The following PCDHGA2 variants were observed in gnomAD, a reference collection of about 807,000 sequenced individuals.
PCDHGA2 encodes the protein protocadherin gamma-A2.
Under a neutral mutation model 59.2 loss-of-function variants are expected in PCDHGA2, and 40 were observed. The ratio of observed to expected loss-of-function variants is 0.68; its 90% confidence interval spans 0.52 to 0.88. The LOEUF (loss-of-function observed/expected upper bound fraction) is 0.88, where lower values mean the gene tolerates loss of function less well. Ranked by LOEUF, PCDHGA2 falls within the 40% of genes least tolerant of loss-of-function variation. The pLI is 0.00. For synonymous variants in PCDHGA2, 560 were observed against 526.0 expected (o/e 1.06, Z -0.89); for missense variants, 1,226 against 1,204.0 (o/e 1.02, Z -0.27).
chr5:141,481,913 CAAAAAAAA>C (rs34114744), intron 1 of PCDHGA2, among the ~76,000 whole-genome samples: 1 of 90,852 alleles, frequency 1.1e-5, no homozygotes, highest in African/African-American at 4.2e-5. Flanking sequence ...AACTCCATCT[CAAAAAAAA>C]AAAAAAAAAA....
At chr5:141,509,544 A>AT (rs1312201678) in intron 3 of PCDHGA2, among the ~76,000 whole-genome samples, 1 of 152,150 alleles carries the variant, frequency 6.6e-6, no homozygotes, top group Non-Finnish European at 1.5e-5. Context: ...GCACCATCTC[A>AT]TTTAGTCCTC....
intron 1 of PCDHGA2, among the ~76,000 whole-genome samples, chr5:141,438,211 A>G (rs767576436): frequency 7.8e-4 from 119 of 152,308 alleles, no homozygotes; most frequent in Admixed American, 2.3e-3. Context: ...CCATATGGGA[A>G]GGGCTCTGGT....
chr5:141,366,257 G>A, intron 1 of PCDHGA2: 1 of 1,613,694 alleles, frequency 6.2e-7, no homozygotes, highest in Middle Eastern at 1.6e-4. Flanking sequence ...GCAGAGCCTC[G>A]TGGTGGCCGT....
intron 1 of PCDHGA2, chr5:141,390,142 G>A (rs2092062384): frequency 6.2e-6 from 10 of 1,614,022 alleles, no homozygotes; most frequent in Non-Finnish European, 8.5e-6. Flanking sequence ...TACAATCTAT[G>A]TGTTGCACAT....
Position 141,477,403 on chromosome 5 carries a change from C to T in PCDHGA2, c.2425-17404C>T, listed in dbSNP as rs1329599078. 2 of 1,614,164 alleles carry T rather than the reference C, an allele frequency of 1.2e-6. No individual in the cohort carries two copies. Among genetic ancestry groups the T allele is most frequent in the Non-Finnish European group, 1.7e-6 (2 of 1,180,042 alleles). ...CAGAATACAACCTCAGCATCACCGC[C>T]CGAGACGCCGGAACCCCTTCCCTCT... is the stretch of plus-strand genomic sequence containing the variant. On this transcript the variant is annotated intron_variant, in intron 1 of 3. Transcript: ENST00000394576. The surrounding 1 kb of genome is among the most constrained non-coding windows in gnomAD (Gnocchi z 4.9).
chr5:141,418,517 C>G, intron 1 of PCDHGA2: 1 of 1,613,918 alleles, frequency 6.2e-7, no homozygotes. Flanking sequence ...TGGTGGGGAC[C>G]CTCCCCGAAG....
At chr5:141,344,328 A>G in intron 1 of PCDHGA2, 2 of 1,614,060 alleles carry the variant, frequency 1.2e-6, no homozygotes, top group Non-Finnish European at 8.5e-7. Context: ...CTGCGCTCAG[A>G]TCCCGCTGTG....
chr5:141,426,753 A>G (rs1360041118), intron 1 of PCDHGA2: 3 of 456,298 alleles, frequency 6.6e-6, no homozygotes, highest in East Asian at 7.0e-5. Flanking sequence ...GGAATCTGCT[A>G]TAGATGCAGA....
rs1317150359 is a variant in PCDHGA2 at position 141,420,381 on chromosome 5, G to A, written c.2425-74426G>A. On this transcript the variant is annotated intron_variant, in intron 1 of 3. Transcript: ENST00000394576. ...TCTAGATAACTTCTTCATAGAGTTC[G>A]CAAAATATAGGTCAAATTTATGGTT... The A allele has an allele frequency of 1.1e-5, 14 of 1,298,362 alleles. No homozygotes were observed. In the Admixed American group the frequency reaches 1.3e-4, roughly 13 times the overall value. The allele number at this position is 1,298,362 out of a possible 1,614,324, so 80.4% of individuals were successfully genotyped here.
intron 1 of PCDHGA2, among the ~76,000 whole-genome samples, chr5:141,439,537 C>T (rs1404605731): frequency 6.6e-6 from 1 of 152,206 alleles, no homozygotes; most frequent in African/African-American, 2.4e-5. Flanking sequence ...GAACGCTGTC[C>T]TCTCATTTCT....
intron 1 of PCDHGA2, chr5:141,360,076 T>G (rs890042967): frequency 6.8e-7 from 1 of 1,480,000 alleles, no homozygotes; most frequent in African/African-American, 1.4e-5. Context: ...TTAGCCCGGA[T>G]TCTGCCATCC....
chr5:141,374,832 G>C, intron 1 of PCDHGA2: 13 of 1,613,908 alleles, frequency 8.1e-6, no homozygotes, highest in Non-Finnish European at 1.1e-5. Context: ...TACCGTGTAA[G>C]TGTTCCTGAA....
chr5:141,476,798 C>T lies in PCDHGA2; in HGVS notation c.2425-18009C>T. 3.1e-6 allele frequency: 5 copies of T among 1,613,660 alleles called. No homozygotes were observed. The highest frequency in any genetic ancestry group is 4.2e-6 in the Non-Finnish European group (5 of 1,180,028). ...AGGGACCCCAGCTCTCTCCGCCAGC[C>T]TGCCTATTCACATCAAGGTGCTGGA... On this transcript the variant is annotated intron_variant, in intron 1 of 3. Coordinates refer to ENST00000394576, the MANE Select transcript of PCDHGA2 (RefSeq NM_018915.4). This position sits in a 1 kb window ranked among gnomAD's most constrained non-coding sequence, Gnocchi z 7.6.
intron 1 of PCDHGA2, among the ~76,000 whole-genome samples, chr5:141,458,890 C>A (rs369529373): frequency 2.0e-5 from 3 of 152,042 alleles, no homozygotes; most frequent in African/African-American, 7.2e-5. Flanking sequence ...GCACACCATG[C>A]GCAGCTAATT....
In PCDHGA2 at chr5:141,420,282, T is replaced by C. The variant is rs543435018; in HGVS notation, c.2425-74525T>C. 2.1e-5 allele frequency: 31 copies of C among 1,510,188 alleles called. No homozygotes were observed. In the African/African-American group the frequency reaches 4.0e-4, roughly 20 times the overall value. 93.5% of individuals were successfully genotyped at this position (1,510,188 alleles called of 1,614,324 possible). On this transcript the variant is annotated intron_variant, in intron 1 of 3. Coordinates refer to ENST00000394576, the MANE Select transcript of PCDHGA2 (RefSeq NM_018915.4). ...AAGAAGATTCTTAAACAGGTAAGTA[T>C]TTAAAAATGTATTTAATCCTTTTTA...
chr5:141,455,055 G>T (rs1019622889), intron 1 of PCDHGA2, among the ~76,000 whole-genome samples: 1 of 151,602 alleles, frequency 6.6e-6, no homozygotes, highest in African/African-American at 2.4e-5. Flanking sequence ...CTCGTGATCC[G>T]CCCGCCTCGG....
intron 1 of PCDHGA2, among the ~76,000 whole-genome samples, chr5:141,464,404 T>G (rs1224596546): frequency 6.6e-6 from 1 of 151,532 alleles, no homozygotes; most frequent in African/African-American, 2.4e-5. Flanking sequence ...GAACCTGAGA[T>G]ATATATATAT....
intron 1 of PCDHGA2, chr5:141,344,164 T>C (rs779496176): frequency 6.2e-7 from 1 of 1,613,998 alleles, no homozygotes; most frequent in Non-Finnish European, 8.5e-7. Flanking sequence ...AAAGGTTCCT[T>C]CGTGGGCAAC....
intron 1 of PCDHGA2, chr5:141,415,899 G>A (rs1224954481): frequency 1.2e-6 from 1 of 869,552 alleles, no homozygotes; most frequent in Non-Finnish European, 1.6e-6. Flanking sequence ...TCCTAAGACA[G>A]ACTTCCATAC....
Sources: gnomAD v4.1 joint callset for allele counts (sites outside exome capture counted in the v4.1 genomes callset) on GRCh38, gnomAD v4.1.1 for gene constraint, Gnocchi (gnomAD v3.1) non-coding constraint, MANE v1.5 for transcripts, NCBI Gene and HGNC (gene_info 2026-07-23, HGNC 2026-07-21) for gene names.